TNNT2: variants seen among roughly 807,000 people sequenced by gnomAD.
TNNT2 encodes the protein troponin T2, cardiac type, also known as troponin T, cardiac muscle.
Under a neutral mutation model 62.4 loss-of-function variants are expected in TNNT2, and 34 were observed. That is an observed-to-expected ratio of 0.54 (90% CI 0.41 to 0.72). TNNT2 has a LOEUF of 0.72. TNNT2 is among the 30% of genes least tolerant of loss of function. The pLI is 0.00. For synonymous variants in TNNT2, 123 were observed against 127.2 expected, an observed-to-expected ratio of 0.97 and a Z score of 0.22; for missense variants, 275 against 381.9, an observed-to-expected ratio of 0.72 and a Z score of 2.33.
intron 2 of TNNT2, 81 bp downstream of exon 2, chr1:201,373,133 A>C: frequency 1.1e-5 from 15 of 1,363,586 alleles, no homozygotes; most frequent in Non-Finnish European, 1.5e-5. Context: ...AATCCGAGGG[A>C]CAGCTGGGAG....
Position 201,361,505 on chromosome 1 carries a change from C to T in TNNT2, c.720-136G>A, listed in dbSNP as rs1301290998. 9.3e-6 allele frequency: 8 copies of T among 855,774 alleles called. No homozygotes were observed. In the East Asian group the frequency reaches 2.0e-4, roughly 21 times the overall value. 53.0% of individuals were successfully genotyped at this position (855,774 alleles called of 1,614,324 possible). On this transcript the variant is annotated intron_variant, in intron 14 of 16. Coordinates refer to ENST00000656932, the MANE Select transcript of TNNT2 (RefSeq NM_001276345.2). ...GGCCTGCCAAGGGTACCCCAGCCCA[C>T]CCCCTGGGCCTGACCCAGCCTGGGG...
At chr1:201,375,903 G>C (rs1256507082) in intron 1 of TNNT2, among the ~76,000 whole-genome samples, 1 of 152,208 alleles carries the variant, frequency 6.6e-6, no homozygotes, top group Non-Finnish European at 1.5e-5. Context: ...CCTGTTCCTG[G>C]GGGCACCATC....
intron 1 of TNNT2, 155 bp from the exon 2 acceptor site, chr1:201,373,423 C>T: frequency 1.4e-6 from 1 of 714,472 alleles, no homozygotes; most frequent in Non-Finnish European, 2.5e-6. Context: ...AGCCTGTTTT[C>T]TCCCCTGCTG....
intron 4 of TNNT2, 123 bp downstream of exon 4, chr1:201,371,904 G>A (rs1660660622): frequency 2.3e-6 from 3 of 1,330,728 alleles, no homozygotes; most frequent in Non-Finnish European, 3.2e-6. Context: ...CACTGTTGTT[G>A]GAGGATCTTG....
chr1:201,365,488 G>C (rs1659494615), intron 9 of TNNT2, 122 bp downstream of exon 9: 2 of 1,262,108 alleles, frequency 1.6e-6, no homozygotes, highest in South Asian at 2.4e-5. Context: ...ACCCAGCCTG[G>C]CTGGTGCTGC....
intron 1 of TNNT2, 97 bp downstream of exon 1, chr1:201,377,526 A>G: frequency 2.2e-6 from 1 of 456,228 alleles, no homozygotes; most frequent in Non-Finnish European, 4.4e-6. Flanking sequence ...CTGCGGACAC[A>G]GGCAGACTCT....
chr1:201,369,933 A>C, intron 4 of TNNT2, 88 bp from the exon 5 acceptor site: 1 of 1,481,034 alleles, frequency 6.8e-7, no homozygotes, highest in Non-Finnish European at 9.4e-7. Context: ...GCAGCCACCC[A>C]GCGCAGTGGT....
chr1:201,373,572 C>T (rs1301047370), intron 1 of TNNT2: 3 of 439,040 alleles, frequency 6.8e-6, no homozygotes, highest in Non-Finnish European at 1.3e-5. Flanking sequence ...GTTTCTCAAC[C>T]TTTCCATCCA....
Position 201,368,212 on chromosome 1 carries a change from G to A in TNNT2, c.113C>T (p.Ala38Val), listed in dbSNP as rs200754249. The change falls in exon 6 of 17, where the codon GCG (alanine) becomes GTG (valine). Residue 38 changes from alanine (A) to valine (V), a missense_variant. Ala to Val is a moderately conservative substitution (Grantham distance 64). Transcript: ENST00000656932. ...AGCCTCTGCTTCAGCATCCTCTTCC[G>A]CTGCCTCCTCCTGCTCTGGAGAAGT... ...REDEDEQEEA[A>V]EEDAEAEAET... The A allele has an allele frequency of 5.7e-4, 920 of 1,613,840 alleles. 2 individuals are homozygous for A. Among genetic ancestry groups the A allele is most frequent in the Middle Eastern group, 8.2e-4 (5 of 6,082 alleles).
intron 6 of TNNT2, 62 bp from the exon 7 acceptor site, chr1:201,367,868 C>T (rs1659938757): frequency 1.3e-6 from 2 of 1,592,856 alleles, no homozygotes; most frequent in South Asian, 2.2e-5. Flanking sequence ...CCCCCTCCGC[C>T]ACCAGCAAGA....
intron 10 of TNNT2, 93 bp downstream of exon 10, chr1:201,365,098 G>T: frequency 4.5e-6 from 5 of 1,112,644 alleles, no homozygotes; most frequent in Non-Finnish European, 6.9e-6. Context: ...GAGGCGCCGA[G>T]GAAGGCTGTC....
intron 15 of TNNT2, chr1:201,361,030 G>A (rs1658525463): frequency 3.6e-6 from 2 of 560,600 alleles, no homozygotes; most frequent in Admixed American, 2.7e-5. Flanking sequence ...AGACCCCCAG[G>A]GTTGGAACAC....
chr1:201,366,857 C>G lies in TNNT2; in HGVS notation c.214G>C (p.Glu72Gln). Residue 72 changes from glutamate to glutamine, a missense_variant, in exon 8 of 17, where the codon GAG becomes CAG. By Grantham distance (29) the Glu-to-Gln change is conservative. Coordinates refer to ENST00000656932, the MANE Select transcript of TNNT2 (RefSeq NM_001276345.2). ...ACTCACCTGGGCTTTGGTTTGGACT[C>G]CTCCATTGGGCCATCTGGAGGAGAT... is the stretch of plus-strand genomic sequence containing the variant. ...AKEAEDGPMEESKPKPRSFMP... is the reference protein window; with the variant it reads ...AKEAEDGPMEQSKPKPRSFMP... 2 of 1,614,154 alleles carry G rather than the reference C, an allele frequency of 1.2e-6. No homozygotes were observed. Among genetic ancestry groups the G allele is most frequent in the South Asian group, 2.2e-5 (2 of 91,068 alleles).
rs530295953 is a variant in TNNT2, at chr1:201,368,063, T to C, written c.163+99A>G. 25 of 1,261,872 alleles carry C rather than the reference T, an allele frequency of 2.0e-5. No individual in the cohort carries two copies. The Admixed American group carries it at 3.0e-4, about 15-fold the overall frequency. 78.2% of individuals were successfully genotyped at this position (1,261,872 alleles called of 1,614,324 possible). On this transcript the variant is annotated intron_variant, in intron 6 of 16. Coordinates refer to ENST00000656932, the MANE Select transcript of TNNT2 (RefSeq NM_001276345.2). ...AGTCAATAGGAGAGTCAGGTGCACA[T>C]GGGAAAGCCTGTTCTGGGGGGTTTC...
intron 12 of TNNT2, 84 bp downstream of exon 12, chr1:201,363,212 C>A: frequency 1.2e-6 from 2 of 1,610,866 alleles, no homozygotes; most frequent in Admixed American, 3.3e-5. Context: ...GGGACCTGAC[C>A]TAAAGTCTAC....
intron 9 of TNNT2, 42 bp downstream of exon 9, chr1:201,365,568 T>C: frequency 6.2e-7 from 1 of 1,603,234 alleles, no homozygotes; most frequent in South Asian, 1.1e-5. Context: ...CCCTTGGGAC[T>C]ATCCCCAGCC....
intron 8 of TNNT2, chr1:201,366,453 C>A: frequency 1.8e-6 from 2 of 1,138,438 alleles, no homozygotes; most frequent in Non-Finnish European, 2.2e-6. Flanking sequence ...AGCCGCCATG[C>A]CTATGCTGGC....
chr1:201,359,502 G>T, intron 16 of TNNT2, 121 bp downstream of exon 16: 1 of 1,114,792 alleles, frequency 9.0e-7, no homozygotes, highest in Non-Finnish European at 1.3e-6. Context: ...GAAACCTGTG[G>T]GCTGAAGCAG....
At chr1:201,372,959 C>T in intron 2 of TNNT2, 1 of 647,406 alleles carries the variant, frequency 1.5e-6, no homozygotes, top group Non-Finnish European at 2.9e-6. Flanking sequence ...CTAGCCAAGA[C>T]TGGCCAAGGA....
Sources: gnomAD v4.1 joint callset for allele counts (sites outside exome capture counted in the v4.1 genomes callset) on GRCh38, gnomAD v4.1.1 for gene constraint, MANE v1.5 for transcripts, NCBI Gene and HGNC (gene_info 2026-07-23, HGNC 2026-07-21) for gene names.